The following MAP4K2 variants were observed in gnomAD, a reference collection of about 807,000 sequenced individuals.
MAP4K2 encodes the protein B lymphocyte serine/threonine protein kinase.
Under a neutral mutation model 125.3 loss-of-function variants are expected in MAP4K2, and 85 were observed. That is an observed-to-expected ratio of 0.68 (90% CI 0.57 to 0.81). MAP4K2 has a LOEUF of 0.81. Ranked by LOEUF, MAP4K2 falls within the 40% of genes least tolerant of loss-of-function variation. MAP4K2 has a pLI of 0.00. For missense variants in MAP4K2, 923 were observed against 1,056.4 expected, an observed-to-expected ratio of 0.87 and a Z score of 1.75; for synonymous variants, 479 against 445.1, an observed-to-expected ratio of 1.08 and a Z score of -0.96.
rs1941262530 is a variant in MAP4K2 at position 64,802,408 on chromosome 11, C to A, written c.310+11G>T. The A allele has an allele frequency of 6.7e-7, 1 of 1,489,054 alleles. No homozygotes were observed. Among genetic ancestry groups the A allele is most frequent in the Non-Finnish European group, 8.9e-7 (1 of 1,119,280 alleles). The allele number at this position is 1,489,054 out of a possible 1,614,324, so 92.2% of individuals were successfully genotyped here. A position where few individuals can be genotyped will look rare whatever the true frequency, so the allele number is the denominator to read the frequency against. ...GCTGGGGCCTGCTGGGGCCTGGAGCCCTGGCCTCACCATGGTAAATCTCCT... is the reference window on the plus strand; with the variant it reads ...GCTGGGGCCTGCTGGGGCCTGGAGCACTGGCCTCACCATGGTAAATCTCCT... On this transcript the variant is annotated intron_variant, in intron 4 of 31. Transcript: ENST00000294066.
chr11:64,789,454 T>G lies in MAP4K2; in HGVS notation c.*83A>C. The G allele has an allele frequency of 8.0e-7, 1 of 1,252,430 alleles. No homozygotes were observed. Among genetic ancestry groups the G allele is most frequent in the Non-Finnish European group, 1.1e-6 (1 of 878,144 alleles). The allele number at this position is 1,252,430 out of a possible 1,614,324, so 77.6% of individuals were successfully genotyped here. A position where few individuals can be genotyped will look rare whatever the true frequency, so the allele number is the denominator to read the frequency against. On this transcript the variant is annotated 3_prime_UTR_variant, in exon 32 of 32. Transcript: ENST00000294066. ...AGGGCCAGGGCCTGGGCTCCTCTGG[T>G]CTAGGATGGGCCCCTTTGCCCAAAA...
chr11:64,790,524 T>C (rs1325987042), intron 27 of MAP4K2, 62 bp from the exon 28 acceptor site: 2 of 1,495,282 alleles, frequency 1.3e-6, no homozygotes, highest in Non-Finnish European at 1.9e-6. Flanking sequence ...CCCAAGAGGA[T>C]ACGGGGGCCA....
At chr11:64,798,956 G>C in intron 14 of MAP4K2, 119 bp from the exon 15 acceptor site, 1 of 825,854 alleles carries the variant, frequency 1.2e-6, no homozygotes, top group South Asian at 1.7e-5. Context: ...AGGTGAGATG[G>C]AAACACACAG....
intron 12 of MAP4K2, 122 bp from the exon 13 acceptor site, chr11:64,799,805 A>G: frequency 2.7e-6 from 2 of 736,274 alleles, no homozygotes; most frequent in South Asian, 3.4e-5. Flanking sequence ...ACTACTGTAA[A>G]ATAAAATGGA....
In MAP4K2 at chr11:64,792,154, C is replaced by G; in HGVS notation, c.1914+18G>C. 6.3e-7 allele frequency: 1 copy of G among 1,593,376 alleles called. No homozygotes were observed. Among genetic ancestry groups the G allele is most frequent in the Non-Finnish European group, 8.5e-7 (1 of 1,169,842 alleles). ...AGAGCTCTGAGGGTGCCCTGGGCCT[C>G]CCCCCACCGCCCCTCACCTTCAGCA... On this transcript the variant is annotated intron_variant, in intron 26 of 31. Transcript: ENST00000294066.
Position 64,799,906 on chromosome 11 carries a change from C to T in MAP4K2, c.915+203G>A, listed in dbSNP as rs547374727. 5.3e-5 allele frequency among the ~76,000 whole-genome samples: 8 copies of T among 152,284 alleles called. No individual in the cohort carries two copies. The East Asian group carries it at 7.7e-4, about 15-fold the overall frequency. On this transcript the variant is annotated intron_variant, in intron 12 of 31. Coordinates refer to ENST00000294066, the MANE Select transcript of MAP4K2 (RefSeq NM_004579.5). ...ATGGCACAGTCGTGGTCATGGTCAG[C>T]TTGGACTCAAGGGCAGGGACCTATC...
chr11:64,802,829 G>A (rs1592618456), intron 2 of MAP4K2, 56 bp downstream of exon 2: 5 of 1,555,178 alleles, frequency 3.2e-6, no homozygotes, highest in Non-Finnish European at 3.5e-6. Context: ...CCCGCACCCC[G>A]CGCCCGCGGG....
chr11:64,800,100 C>G lies in MAP4K2; in HGVS notation c.915+9G>C, dbSNP rs71581725. On this transcript the variant is annotated intron_variant, in intron 12 of 31. Transcript: ENST00000294066. ...GCCCAAGACTCACTTTCCAGCCCCC[C>G]TCACCTACCTCCAGCTCACAGTCCT... 62 of 1,589,256 alleles carry G rather than the reference C, an allele frequency of 3.9e-5. No individual in the cohort carries two copies. The highest frequency in any genetic ancestry group is 5.1e-5 in the Non-Finnish European group (60 of 1,167,744).
rs932468826 is a variant in MAP4K2, at chr11:64,796,265, T to C, written c.1751+8A>G. 9.2e-6 allele frequency: 14 copies of C among 1,525,492 alleles called. No individual in the cohort carries two copies. Among genetic ancestry groups the C allele is most frequent in the Admixed American group, 4.3e-5 (2 of 46,168 alleles). 94.5% of individuals were successfully genotyped at this position (1,525,492 alleles called of 1,614,324 possible). ...CCTCCCGCTCCCTGCACGCCCAAGA[T>C]CCCTGACCTGGGGATGATGCGCTGG... On this transcript the variant is annotated splice_region_variant and intron_variant, in intron 24 of 31. Transcript: ENST00000294066.
chr11:64,802,512 A>C, intron 3 of MAP4K2, 29 bp from the exon 4 acceptor site: 1 of 1,564,218 alleles, frequency 6.4e-7, no homozygotes, highest in Non-Finnish European at 8.7e-7. Context: ...GGTGGGCACA[A>C]AGCAGGTCAC....
chr11:64,789,571 A>G lies in MAP4K2; in HGVS notation c.2429T>C (p.Leu810Pro), dbSNP rs1940348620. Residue 810 changes from leucine (L) to proline (P), a missense_variant, in exon 32 of 32, where the codon CTC becomes CCC. Around this residue, in one of 2 missense-constraint regions of MAP4K2, gnomAD observed 90 missense variants for 144.9 expected, o/e 0.62. Coordinates refer to ENST00000294066, the MANE Select transcript of MAP4K2 (RefSeq NM_004579.5). ...PTDNPEAHSN[L>P]YILTGHQSTY ...GCTCTGGTGGCCCGTGAGGATGTAG[A>G]GGTTGCTGTGCGCCTCTGGGTTGTC... The G allele has an allele frequency of 6.2e-7, 1 of 1,600,172 alleles. No individual in the cohort carries two copies. The highest frequency in any genetic ancestry group is 1.7e-5 in the Admixed American group (1 of 57,480).
chr11:64,791,313 C>T (rs532649015), intron 27 of MAP4K2, among the ~76,000 whole-genome samples: 2 of 152,378 alleles, frequency 1.3e-5, no homozygotes, highest in Admixed American at 6.5e-5. Context: ...AATGGGGCCT[C>T]TAGGCCCTGC....
intron 2 of MAP4K2, 55 bp downstream of exon 2, chr11:64,802,830 C>T (rs1941308008): frequency 6.4e-7 from 1 of 1,557,290 alleles, no homozygotes; most frequent in Middle Eastern, 2.1e-4. Context: ...CCGCACCCCG[C>T]GCCCGCGGGC....
rs1940269933 is a variant in MAP4K2 at position 64,788,025 on chromosome 11, T to C, written c.*1512A>G. On this transcript the variant is annotated 3_prime_UTR_variant, in exon 32 of 32. Coordinates refer to ENST00000294066, the MANE Select transcript of MAP4K2 (RefSeq NM_004579.5). Reference sequence around the variant, plus strand: ...TGTGAATGCCTGGTGTGAAGAGATGTGTTCCCTCCCCTGGGCTGGCTCCCC... The same window carrying C: ...TGTGAATGCCTGGTGTGAAGAGATGCGTTCCCTCCCCTGGGCTGGCTCCCC... 6.6e-6 allele frequency: 1 copy of C among 152,254 alleles called. No individual in the cohort carries two copies. The highest frequency in any genetic ancestry group is 1.5e-5 in the Non-Finnish European group (1 of 68,066). 9.4% of individuals were successfully genotyped at this position (152,254 alleles called of 1,614,324 possible). A position where few individuals can be genotyped will look rare whatever the true frequency, so the allele number is the denominator to read the frequency against.
In MAP4K2 at chr11:64,792,233, A is replaced by G; in HGVS notation, c.1853T>C (p.Leu618Pro). The G allele has an allele frequency of 6.2e-7, 1 of 1,611,994 alleles. No homozygotes were observed. Among genetic ancestry groups the G allele is most frequent in the Non-Finnish European group, 8.5e-7 (1 of 1,179,610 alleles). Reference sequence around the variant, plus strand: ...CTGCAGCAGGAGCAGGCTGGTGGGCAGGGCGGCCAGCAGGAAGGTGGCACC... The same window carrying G: ...CTGCAGCAGGAGCAGGCTGGTGGGCGGGGCGGCCAGCAGGAAGGTGGCACC... ...YTGATFLLAA[L>P]PTSLLLLQWY... Residue 618 changes from leucine (L) to proline (P), a missense_variant, in exon 26 of 32, where the codon CTG (leucine) becomes CCG (proline). Leu to Pro is a moderately conservative substitution (Grantham distance 98, BLOSUM62 -3). Coordinates refer to ENST00000294066, the MANE Select transcript of MAP4K2 (RefSeq NM_004579.5).
In MAP4K2 at chr11:64,799,646, C is replaced by T. The variant is rs762071869; in HGVS notation, c.953G>A (p.Gly318Glu). Residue 318 changes from glycine to glutamate, a missense_variant, in exon 13 of 32, where the codon GGG (glycine) becomes GAG (glutamate). Gly to Glu is a moderately conservative substitution (Grantham distance 98, BLOSUM62 -2). Transcript: ENST00000294066. ...DMFPDTIHSR[G>E]QHGPAERTPS... ...GGTCCTCTCGGCTGGGCCGTGCTGC[C>T]CCCGGGAGTGAATGGTGTCTGGAAA... is the stretch of plus-strand genomic sequence containing the variant. 1.3e-5 allele frequency: 21 copies of T among 1,613,854 alleles called. No individual in the cohort carries two copies. The Admixed American group carries it at 3.5e-4, about 27-fold the overall frequency.
intron 5 of MAP4K2, 131 bp from the exon 6 acceptor site, chr11:64,801,888 G>T: frequency 8.5e-7 from 1 of 1,173,690 alleles, no homozygotes; most frequent in Non-Finnish European, 1.2e-6. Context: ...AAGTGACTGA[G>T]CCAAGAGGGA....
intron 5 of MAP4K2, 60 bp from the exon 6 acceptor site, chr11:64,801,817 C>T (rs1314876929): frequency 2.5e-6 from 4 of 1,585,662 alleles, no homozygotes; most frequent in Non-Finnish European, 3.4e-6. Flanking sequence ...CTCCCCAAAC[C>T]CCCTCTCAGG....
chr11:64,799,180 C>A (rs1005760759), intron 14 of MAP4K2, among the ~76,000 whole-genome samples: 1 of 152,178 alleles, frequency 6.6e-6, no homozygotes, highest in Non-Finnish European at 1.5e-5. Flanking sequence ...TGACGGCCTC[C>A]TTTTGGGAAA....
Sources: allele counts gnomAD v4.1 joint callset (sites outside exome capture counted in the v4.1 genomes callset), GRCh38; gene constraint gnomAD v4.1.1; regional missense constraint gnomAD v4.1.1; transcripts MANE v1.5; gene names NCBI Gene and HGNC (gene_info 2026-07-23, HGNC 2026-07-21).